HPSE2: variants seen among roughly 807,000 people sequenced by gnomAD.
HPSE2 encodes heparanase 2 (inactive).
Under a neutral mutation model 60.5 loss-of-function variants are expected in HPSE2, and 38 were observed. That is an observed-to-expected ratio of 0.63 (90% CI 0.48 to 0.82). The LOEUF (loss-of-function observed/expected upper bound fraction) is 0.82. Among genes scored for constraint, HPSE2 ranks in the 40% least tolerant of loss-of-function variants. The pLI, the probability that HPSE2 is intolerant of heterozygous loss-of-function variation, is 0.00. For missense variants in HPSE2, 713 were observed against 740.4 expected (o/e 0.96, Z 0.43); for synonymous variants, 295 against 293.2 (o/e 1.01, Z -0.06).
At chr10:98,713,493 A>G (rs539549577) in intron 5 of HPSE2, among the ~76,000 whole-genome samples, 1 of 151,980 alleles carries the variant, frequency 6.6e-6, no homozygotes, top group Non-Finnish European at 1.5e-5. Flanking sequence ...ACCAGAGTGC[A>G]TATTCGAAGT....
intron 2 of HPSE2, among the ~76,000 whole-genome samples, chr10:99,171,014 A>G (rs1372150286): frequency 6.6e-6 from 1 of 152,214 alleles, no homozygotes; most frequent in East Asian, 1.9e-4. Context: ...ATTATATGCA[A>G]ATACTACCTT....
chr10:99,284,576 T>A, the HPSE2 span, among the ~76,000 whole-genome samples: 2 of 152,216 alleles, frequency 1.3e-5, no homozygotes, highest in African/African-American at 4.8e-5. Context: ...GACTGTGTAT[T>A]TGGCAATAGT....
rs1844019473 is a variant in HPSE2, at chr10:99,102,048, G to C, written c.610+42190C>G. On this transcript the variant is annotated intron_variant, in intron 3 of 11. Coordinates refer to ENST00000370552, the MANE Select transcript of HPSE2 (RefSeq NM_021828.5). ...GAGAAAGCAGGAAAGATCTAAAATTGACATCCTAACATCACAATTAGAACT... is the reference window on the plus strand; with the variant it reads ...GAGAAAGCAGGAAAGATCTAAAATTCACATCCTAACATCACAATTAGAACT... Among the ~76,000 whole-genome samples, 4 of 152,132 alleles carry C rather than the reference G, an allele frequency of 2.6e-5. No individual in the cohort carries two copies. In the South Asian group the frequency reaches 8.3e-4, roughly 32 times the overall value.
At chr10:99,100,545 G>A (rs4309093) in intron 3 of HPSE2, among the ~76,000 whole-genome samples, 74,753 of 152,046 alleles carry the variant, frequency 0.49, 20,836 homozygotes, top group East Asian at 0.65. Flanking sequence ...CGGGGAGAAC[G>A]GAACCAAGTT....
chr10:99,160,670 C>A (rs552469972), intron 2 of HPSE2, among the ~76,000 whole-genome samples: 1 of 151,832 alleles, frequency 6.6e-6, no homozygotes, highest in East Asian at 1.9e-4. Flanking sequence ...GAGGCCGAGG[C>A]GGGCGGATCA....
At chr10:98,618,561 G>A (rs1945983874) in intron 8 of HPSE2, among the ~76,000 whole-genome samples, 1 of 152,060 alleles carries the variant, frequency 6.6e-6, no homozygotes, top group South Asian at 2.1e-4. Context: ...GTGGAGAGTG[G>A]GAGTGTACTT....
intron 3 of HPSE2, among the ~76,000 whole-genome samples, chr10:98,878,339 T>C (rs190447331): frequency 6.6e-6 from 1 of 152,096 alleles, no homozygotes; most frequent in African/African-American, 2.4e-5. Context: ...ACTTGAAAGA[T>C]TTAGTTATTC....
intron 2 of HPSE2, among the ~76,000 whole-genome samples, chr10:99,166,796 G>A (rs932767290): frequency 3.3e-5 from 5 of 149,834 alleles, no homozygotes; most frequent in Admixed American, 1.3e-4. Flanking sequence ...CTTCCAAGCC[G>A]AGATTGCACT....
At chr10:99,310,989 T>C in the HPSE2 span, among the ~76,000 whole-genome samples, 3 of 152,162 alleles carry the variant, frequency 2.0e-5, no homozygotes, top group South Asian at 6.2e-4. Context: ...TCCTATAACA[T>C]AATTTTTCAT....
intron 9 of HPSE2, among the ~76,000 whole-genome samples, chr10:98,601,275 T>C (rs1012837325): frequency 3.9e-5 from 6 of 152,190 alleles, no homozygotes; most frequent in Admixed American, 2.0e-4. Context: ...AATATCTTCA[T>C]AGAAATATCT....
At chr10:99,001,065 T>G (rs1441744282) in intron 3 of HPSE2, among the ~76,000 whole-genome samples, 3 of 152,114 alleles carry the variant, frequency 2.0e-5, no homozygotes, top group Non-Finnish European at 4.4e-5. Context: ...CTCTTTGGGA[T>G]TTTAATATGT....
At chr10:98,553,432 C>T (rs1370879305) in intron 9 of HPSE2, among the ~76,000 whole-genome samples, 4 of 152,172 alleles carry the variant, frequency 2.6e-5, no homozygotes, top group Non-Finnish European at 4.4e-5. Context: ...GTGGCCATTA[C>T]CTGTGTGTTC....
chr10:99,079,659 A>T (rs1348364891), intron 3 of HPSE2, among the ~76,000 whole-genome samples: 1 of 152,016 alleles, frequency 6.6e-6, no homozygotes, highest in African/African-American at 2.4e-5. Context: ...GCAAAACAGG[A>T]TCTAGTCTTT....
At chr10:98,627,026 G>C (rs942646427) in intron 7 of HPSE2, among the ~76,000 whole-genome samples, 10 of 152,242 alleles carry the variant, frequency 6.6e-5, no homozygotes, top group African/African-American at 1.9e-4. Flanking sequence ...GCCCACCTCA[G>C]CCTCTCAAAG....
At chr10:98,872,469 C>T (rs1299425107) in intron 3 of HPSE2, among the ~76,000 whole-genome samples, 2 of 152,066 alleles carry the variant, frequency 1.3e-5, no homozygotes, top group Non-Finnish European at 2.9e-5. Flanking sequence ...CTATTGTCAA[C>T]TTAAATTTTT....
chr10:99,162,381 T>C (rs1846880211), intron 2 of HPSE2, among the ~76,000 whole-genome samples: 1 of 152,178 alleles, frequency 6.6e-6, no homozygotes, highest in Non-Finnish European at 1.5e-5. Flanking sequence ...TATTAAAACT[T>C]GGATAGAATT....
chr10:98,788,909 G>A lies in HPSE2; in HGVS notation c.611-44853C>T, dbSNP rs773868225. On this transcript the variant is annotated intron_variant, in intron 3 of 11. Transcript: ENST00000370552. ...AATGCAGAAATCACCCGTCTTCTGCGTCGCTCACGCTGGGAGCTGTAGACC... is the reference window on the plus strand; with the variant it reads ...AATGCAGAAATCACCCGTCTTCTGCATCGCTCACGCTGGGAGCTGTAGACC... 1.0e-3 allele frequency among the ~76,000 whole-genome samples: 152 copies of A among 152,172 alleles called. 2 individuals are homozygous for A. Among genetic ancestry groups the A allele is most frequent in the Admixed American group, 9.4e-3 (144 of 15,280 alleles).
chr10:98,820,190 A>G (rs2134608041), intron 3 of HPSE2, among the ~76,000 whole-genome samples: 1 of 152,234 alleles, frequency 6.6e-6, no homozygotes. Context: ...TATTTAACAG[A>G]CATGTCTTTC....
At chr10:98,765,030 T>G (rs989462570) in intron 3 of HPSE2, among the ~76,000 whole-genome samples, 1 of 152,070 alleles carries the variant, frequency 6.6e-6, no homozygotes, top group Non-Finnish European at 1.5e-5. Context: ...CCAAAACATA[T>G]GAAGCAAAAA....
Sources: allele counts gnomAD v4.1 joint callset (sites outside exome capture counted in the v4.1 genomes callset), GRCh38; gene constraint gnomAD v4.1.1; transcripts MANE v1.5; gene names NCBI Gene and HGNC (gene_info 2026-07-23, HGNC 2026-07-21).